The following PRR12 variants were observed in gnomAD, a reference collection of about 807,000 sequenced individuals.
PRR12 encodes the protein proline rich 12.
In PRR12, 12 loss-of-function variants were observed where a neutral mutation model predicts 138.0. That is an observed-to-expected ratio of 0.09 (90% confidence interval 0.06 to 0.14). The LOEUF (loss-of-function observed/expected upper bound fraction) is 0.14, where lower values mean the gene tolerates loss of function less well. Among genes scored for constraint, PRR12 ranks in the 10% least tolerant of loss-of-function variants. PRR12 has a pLI of 1.00. For synonymous variants in PRR12, 1,567 were observed against 1,291.7 expected (o/e 1.21, Z -4.57); for missense variants, 2,692 against 2,861.3 (o/e 0.94, Z 1.35).
chr19:49,616,706 C>T lies in PRR12; in HGVS notation c.5497+487C>T, dbSNP rs773979570. Among the ~76,000 whole-genome samples, 1 of 152,102 alleles carries T rather than the reference C, an allele frequency of 6.6e-6. No individual in the cohort carries two copies. The highest frequency in any genetic ancestry group is 1.5e-5 in the Non-Finnish European group (1 of 68,032). On this transcript the variant is annotated intron_variant, in intron 9 of 13. Transcript: ENST00000418929. The surrounding 1 kb of genome is among the most constrained non-coding windows in gnomAD (Gnocchi z 4.2). Reference sequence around the variant, plus strand: ...GAGAAAGAGGCATAACCTCTTGTGCCTTAGTGACCTCACCTGTAAAATGGG... The same window carrying T: ...GAGAAAGAGGCATAACCTCTTGTGCTTTAGTGACCTCACCTGTAAAATGGG...
chr19:49,614,141 G>A lies in PRR12; in HGVS notation c.4774-392G>A, dbSNP rs1441729632. On this transcript the variant is annotated intron_variant, in intron 6 of 13. Transcript: ENST00000418929. This position sits in a 1 kb window ranked among gnomAD's most constrained non-coding sequence, Gnocchi z 5.0. ...AGAAAAAGTAAAAAGAGAATTATGT[G>A]GGGGGACAGTCAGACCACAACAGGA... 6.6e-6 allele frequency among the ~76,000 whole-genome samples: 1 copy of A among 152,062 alleles called. No homozygotes were observed. The highest frequency in any genetic ancestry group is 1.9e-4 in the East Asian group (1 of 5,192).
rs552644599 is a variant in PRR12 at position 49,600,879 on chromosome 19, C to T, written c.4346-612C>T. On this transcript the variant is annotated intron_variant, in intron 5 of 13. Coordinates refer to ENST00000418929, the MANE Select transcript of PRR12 (RefSeq NM_020719.3). ...AGCTGGGACTACAGGCGCGCACCACCATGCCCAGCTAATTTTTGTATTTTT... is the reference window on the plus strand; with the variant it reads ...AGCTGGGACTACAGGCGCGCACCACTATGCCCAGCTAATTTTTGTATTTTT... Among the ~76,000 whole-genome samples, 3 of 152,182 alleles carry T rather than the reference C, an allele frequency of 2.0e-5. No homozygotes were observed. In the South Asian group the frequency reaches 6.2e-4, roughly 32 times the overall value.
At position 49,614,711 on chromosome 19, in the gene PRR12, G is replaced by C; in HGVS notation, c.4890+62G>C. The C allele has an allele frequency of 6.7e-7, 1 of 1,492,428 alleles. No individual in the cohort carries two copies. The highest frequency in any genetic ancestry group is 9.1e-7 in the Non-Finnish European group (1 of 1,098,096). 92.4% of individuals were successfully genotyped at this position (1,492,428 alleles called of 1,614,324 possible). A position where few individuals can be genotyped will look rare whatever the true frequency, so the allele number is the denominator to read the frequency against. On this transcript the variant is annotated intron_variant, in intron 7 of 13. Transcript: ENST00000418929. This position sits in a 1 kb window ranked among gnomAD's most constrained non-coding sequence, Gnocchi z 5.0. ...CGGGGCGTGGTATCTAGGAGCTGGG[G>C]TTCCCCTTAGTGTGGCTGTGACTCA...
chr19:49,599,661 G>T lies in PRR12; in HGVS notation c.4068G>T (p.Gly1356=). The T allele has an allele frequency of 6.2e-7, 1 of 1,612,410 alleles. No homozygotes were observed. Among genetic ancestry groups the T allele is most frequent in the Non-Finnish European group, 8.5e-7 (1 of 1,178,898 alleles). ...ALEAAESEGL[G]LGCPSPCKRL... ...AGGCTGCAGAGAGTGAGGGTCTGGG[G>T]CTTGGCTGCCCTTCACCCTGCAAGC... Residue 1356 remains glycine (G), a synonymous_variant, in exon 5 of 14, where the codon GGG becomes GGT. Transcript: ENST00000418929. This position sits in a 1 kb window ranked among gnomAD's most constrained non-coding sequence, Gnocchi z 5.0.
rs1012501933 is a variant in PRR12 at position 49,599,063 on chromosome 19, G to C, written c.3679-209G>C. Among the ~76,000 whole-genome samples the C allele has an allele frequency of 1.6e-5, 2 of 127,888 alleles. No individual in the cohort carries two copies. Among genetic ancestry groups the C allele is most frequent in the African/African-American group, 7.8e-5 (2 of 25,694 alleles). 83.9% of individuals were successfully genotyped at this position (127,888 alleles called of 152,430 possible). On this transcript the variant is annotated intron_variant, in intron 4 of 13. Transcript: ENST00000418929. The surrounding 1 kb of genome is among the most constrained non-coding windows in gnomAD (Gnocchi z 5.0). ...TAGGGACCTGAACTGGGCTGTAAGT[G>C]AAGAGGCTCAGTGAGTCCAAGTTCC...
chr19:49,603,758 G>T (rs965452062), intron 6 of PRR12, among the ~76,000 whole-genome samples: 1 of 152,102 alleles, frequency 6.6e-6, no homozygotes, highest in African/African-American at 2.4e-5. Flanking sequence ...TCTTCGATGT[G>T]ACATGGAGAA....
intron 6 of PRR12, among the ~76,000 whole-genome samples, chr19:49,609,230 G>A (rs892555781): frequency 3.9e-5 from 6 of 152,158 alleles, no homozygotes; most frequent in African/African-American, 1.4e-4. Context: ...ACCGGAGTTT[G>A]AGAGGTCAAG....
chr19:49,610,518 G>C (rs2080860381), intron 6 of PRR12, among the ~76,000 whole-genome samples: 1 of 150,942 alleles, frequency 6.6e-6, no homozygotes, highest in Non-Finnish European at 1.5e-5. Flanking sequence ...CCTGGGAGTT[G>C]GGCATGCCAT....
chr19:49,600,287 A>C (rs1375132666), intron 5 of PRR12, among the ~76,000 whole-genome samples: 2 of 150,208 alleles, frequency 1.3e-5, no homozygotes, highest in Non-Finnish European at 3.0e-5. Context: ...CTGTGTGTGA[A>C]GGTACAGAAA....
At chr19:49,602,344 G>A (rs1363832753) in intron 6 of PRR12, among the ~76,000 whole-genome samples, 1 of 152,150 alleles carries the variant, frequency 6.6e-6, no homozygotes, top group Non-Finnish European at 1.5e-5. Flanking sequence ...TGGCACAATG[G>A]TGGAAATGTG....
In PRR12 at chr19:49,614,687, G is replaced by A. The variant is rs561358443; in HGVS notation, c.4890+38G>A. 43 of 1,525,130 alleles carry A rather than the reference G, an allele frequency of 2.8e-5. No homozygotes were observed. The highest frequency in any genetic ancestry group is 2.2e-4 in the East Asian group (9 of 40,946). The allele number at this position is 1,525,130 out of a possible 1,614,324, so 94.5% of individuals were successfully genotyped here. On this transcript the variant is annotated intron_variant, in intron 7 of 13. Transcript: ENST00000418929. The surrounding 1 kb of genome is among the most constrained non-coding windows in gnomAD (Gnocchi z 5.0). Reference sequence around the variant, plus strand: ...AGGGGACCAAGGACTTGGGGGCCCCGGGGCGTGGTATCTAGGAGCTGGGGT... The same window carrying A: ...AGGGGACCAAGGACTTGGGGGCCCCAGGGCGTGGTATCTAGGAGCTGGGGT...
At chr19:49,612,494 A>G (rs759934716) in intron 6 of PRR12, among the ~76,000 whole-genome samples, 1 of 151,898 alleles carries the variant, frequency 6.6e-6, no homozygotes, top group Non-Finnish European at 1.5e-5. Context: ...CTGGGAGGAA[A>G]AGTGGTTTGA....
At chr19:49,610,714 TG>T (rs2080861731) in intron 6 of PRR12, among the ~76,000 whole-genome samples, 1 of 151,860 alleles carries the variant, frequency 6.6e-6, no homozygotes, top group Admixed American at 6.6e-5. Context: ...TCTAATTTTT[TG>T]TGTATTTTTA....
intron 10 of PRR12, 63 bp from the exon 11 acceptor site, chr19:49,621,462 C>G (rs548654914): frequency 1.5e-6 from 2 of 1,326,640 alleles, no homozygotes; most frequent in Admixed American, 2.0e-5. Flanking sequence ...CTCCATGACC[C>G]CACCTTGGCC....
intron 6 of PRR12, among the ~76,000 whole-genome samples, chr19:49,609,787 C>A (rs1319565237): frequency 6.6e-6 from 1 of 151,868 alleles, no homozygotes; most frequent in Non-Finnish European, 1.5e-5. Context: ...CTGGGCCCAG[C>A]CATGTTGGAC....
At chr19:49,623,765 GGTGGT>G (rs962069826) in intron 11 of PRR12, among the ~76,000 whole-genome samples, 2 of 151,450 alleles carry the variant, frequency 1.3e-5, no homozygotes, top group Admixed American at 6.6e-5. Context: ...TTCTGGGGTA[GGTGGT>G]TAGGATGGGG....
intron 10 of PRR12, 55 bp from the exon 11 acceptor site, chr19:49,621,459 ACCCCACCTTGG>A: frequency 1.6e-6 from 2 of 1,286,204 alleles, no homozygotes; most frequent in Non-Finnish European, 2.2e-6. Flanking sequence ...AGACTCCATG[ACCCCACCTTGG>A]CCCCAGTGCT....
rs1160986571 is a variant in PRR12 at position 49,596,664 on chromosome 19, A to G, written c.2329A>G (p.Thr777Ala). The change falls in exon 4 of 14, where the codon ACT becomes GCT. Residue 777 changes from threonine to alanine, a missense_variant. This residue lies in a region of PRR12 where 840 missense variants were observed against 689.8 expected (regional missense o/e 1.22). Coordinates refer to ENST00000418929, the MANE Select transcript of PRR12 (RefSeq NM_020719.3). This position sits in a 1 kb window ranked among gnomAD's most constrained non-coding sequence, Gnocchi z 5.6. ...PPPTAQSTQPTPHGLLLEAGG... is the reference protein window; with the variant it reads ...PPPTAQSTQPAPHGLLLEAGG... Reference sequence around the variant, plus strand: ...TCCCACGGCCCAGTCTACCCAGCCCACTCCCCATGGCCTCCTTCTGGAGGC... The same window carrying G: ...TCCCACGGCCCAGTCTACCCAGCCCGCTCCCCATGGCCTCCTTCTGGAGGC... 1 of 1,602,836 alleles carries G rather than the reference A, an allele frequency of 6.2e-7. No homozygotes were observed. Among genetic ancestry groups the G allele is most frequent in the African/African-American group, 1.3e-5 (1 of 74,162 alleles).
In PRR12 at chr19:49,596,400, G is replaced by C. The variant is rs755894576; in HGVS notation, c.2065G>C (p.Glu689Gln). Residue 689 changes from glutamate to glutamine, a missense_variant, in exon 4 of 14, where the codon GAG becomes CAG. Around this residue, in one of 11 missense-constraint regions of PRR12, gnomAD observed 840 missense variants for 689.8 expected, o/e 1.22. Transcript: ENST00000418929. This position sits in a 1 kb window ranked among gnomAD's most constrained non-coding sequence, Gnocchi z 5.6. ...GAGGPPGTPY[E>Q]LAKEDPQRYH... ...CGGGGGACCACCGGGTACACCCTACGAGTTGGCCAAGGAAGACCCCCAGAG... is the reference window on the plus strand; with the variant it reads ...CGGGGGACCACCGGGTACACCCTACCAGTTGGCCAAGGAAGACCCCCAGAG... The C allele has an allele frequency of 6.2e-7, 1 of 1,606,326 alleles. No individual in the cohort carries two copies. Among genetic ancestry groups the C allele is most frequent in the Non-Finnish European group, 8.5e-7 (1 of 1,178,940 alleles).
Sources: allele counts gnomAD v4.1 joint callset (sites outside exome capture counted in the v4.1 genomes callset), GRCh38; gene constraint gnomAD v4.1.1; regional missense constraint gnomAD v4.1.1; non-coding constraint Gnocchi (gnomAD v3.1); transcripts MANE v1.5; gene names NCBI Gene and HGNC (gene_info 2026-07-23, HGNC 2026-07-21).